Variants in PVT1 observed in about 807,000 individuals in gnomAD.
PVT1 encodes Pvt1 oncogene, also known as CXCR4/PVT1 fusion.
intron 3 of PVT1, among the ~76,000 whole-genome samples, chr8:127,962,627 C>T (rs182496870): frequency 3.4e-4 from 51 of 151,776 alleles, no homozygotes; most frequent in Admixed American, 1.2e-3. Flanking sequence ...TTTTTGTTGA[C>T]GATTTGTTGA....
At chr8:127,964,123 A>G (rs1816677804) in intron 3 of PVT1, among the ~76,000 whole-genome samples, 1 of 152,184 alleles carries the variant, frequency 6.6e-6, no homozygotes, top group African/African-American at 2.4e-5. Flanking sequence ...GGACAAGCAG[A>G]TGGGTTCAGG....
intron 4 of PVT1, among the ~76,000 whole-genome samples, chr8:128,009,948 T>A (rs184923551): frequency 6.8e-4 from 103 of 152,296 alleles, no homozygotes; most frequent in African/African-American, 2.4e-3. Context: ...TTCAGGAAAG[T>A]CGACTAAGAT....
rs576055384 is a variant in PVT1, at chr8:127,954,749, C to T, written n.783-34413C>T. On this transcript the variant is annotated intron_variant and non_coding_transcript_variant, in intron 3 of 10. Coordinates refer to ENST00000651587, the Ensembl canonical transcript of PVT1. ...GAAGAAGGATTCGGGCCTCTGAGTTCGTGGATTCCTCCATGAAGCAATGAC... is the reference window on the plus strand; with the variant it reads ...GAAGAAGGATTCGGGCCTCTGAGTTTGTGGATTCCTCCATGAAGCAATGAC... 5.3e-5 allele frequency among the ~76,000 whole-genome samples: 8 copies of T among 152,222 alleles called. No individual in the cohort carries two copies. The South Asian group carries it at 6.2e-4, about 12-fold the overall frequency.
chr8:127,821,287 T>C (rs1057267422), intron 2 of PVT1, among the ~76,000 whole-genome samples: 1 of 152,166 alleles, frequency 6.6e-6, no homozygotes, highest in Admixed American at 6.5e-5. Flanking sequence ...CGCATGTGGC[T>C]ATTGAGCAGT....
intron 4 of PVT1, among the ~76,000 whole-genome samples, chr8:127,994,987 G>T (rs1817088801): frequency 6.6e-6 from 1 of 152,170 alleles, no homozygotes; most frequent in Non-Finnish European, 1.5e-5. Context: ...ACTCAGAAAT[G>T]CTGTTTAACC....
At chr8:128,052,277 C>T (rs766162100) in intron 4 of PVT1, among the ~76,000 whole-genome samples, 1 of 151,740 alleles carries the variant, frequency 6.6e-6, no homozygotes, top group Non-Finnish European at 1.5e-5. Context: ...CTGTAGCATG[C>T]GTCTGTGAAG....
chr8:127,817,893 T>C (rs1351981475), intron 2 of PVT1, among the ~76,000 whole-genome samples: 1 of 151,970 alleles, frequency 6.6e-6, no homozygotes, highest in Middle Eastern at 3.2e-3. Flanking sequence ...AGATCCGGCA[T>C]GTGTAGAGAT....
intron 6 of PVT1, among the ~76,000 whole-genome samples, chr8:128,100,329 C>T (rs952618181): frequency 6.6e-6 from 1 of 152,160 alleles, no homozygotes; most frequent in Non-Finnish European, 1.5e-5. Context: ...CAGGTCTCTG[C>T]TCTCCTGGAG....
intron 3 of PVT1, among the ~76,000 whole-genome samples, chr8:127,897,454 TGAA>T (rs1729474573): frequency 9.2e-6 from 1 of 109,110 alleles, no homozygotes; most frequent in African/African-American, 3.6e-5. Context: ...GTTCCAAAAA[TGAA>T]GAAAGAAAGT....
intron 2 of PVT1, among the ~76,000 whole-genome samples, chr8:127,835,139 A>T (rs1814895346): frequency 6.6e-6 from 1 of 152,196 alleles, no homozygotes; most frequent in South Asian, 2.1e-4. Flanking sequence ...ATAAAGACAC[A>T]TGCACATATA....
chr8:128,013,776 C>CTG lies in PVT1; in HGVS notation n.912+24486_912+24487insGT, dbSNP rs572485361. Among the ~76,000 whole-genome samples, 7 of 152,338 alleles carry CTG rather than the reference C, an allele frequency of 4.6e-5. No homozygotes were observed. In the South Asian group the frequency reaches 1.4e-3, roughly 32 times the overall value. On this transcript the variant is annotated intron_variant and non_coding_transcript_variant, in intron 4 of 10. Transcript: ENST00000651587. The stretch of plus-strand genomic sequence containing the variant: ...GGACTTACTGTGATTACTTATCTCT[C>CTG]TATCCCTCAACAGTAAGTCCTAATC...
chr8:127,937,580 C>CACACACAGAGAGAGAG (rs59006608), intron 3 of PVT1, among the ~76,000 whole-genome samples: 1 of 107,794 alleles, frequency 9.3e-6, no homozygotes, highest in African/African-American at 3.7e-5. Context: ...CACACACACA[C>CACACACAGAGAGAGAG]AGAGAGAGAG....
chr8:127,939,979 AT>A (rs2129905412), intron 3 of PVT1: 1 of 152,272 alleles, frequency 6.6e-6, no homozygotes, highest in East Asian at 1.9e-4. Context: ...TGAACCCTGC[AT>A]TTTGTGGAGG....
At chr8:127,963,783 G>A (rs1816673219) in intron 3 of PVT1, among the ~76,000 whole-genome samples, 1 of 152,314 alleles carries the variant, frequency 6.6e-6, no homozygotes. Flanking sequence ...TTGGAATGGA[G>A]GAATGGAGTC....
At chr8:127,806,329 C>T (rs754228038) in intron 2 of PVT1, among the ~76,000 whole-genome samples, 10 of 152,128 alleles carry the variant, frequency 6.6e-5, no homozygotes, top group East Asian at 5.8e-4. Context: ...GGTGTGGTGG[C>T]GTGTGCCTGT....
At chr8:128,015,514 G>C (rs888582568) in intron 4 of PVT1, among the ~76,000 whole-genome samples, 5 of 152,060 alleles carry the variant, frequency 3.3e-5, no homozygotes, top group African/African-American at 1.2e-4. Flanking sequence ...AGTGGCTCAC[G>C]TCTGTAACCC....
At chr8:128,024,133 C>G (rs1817467675) in intron 4 of PVT1, among the ~76,000 whole-genome samples, 1 of 152,216 alleles carries the variant, frequency 6.6e-6, no homozygotes, top group Non-Finnish European at 1.5e-5. Flanking sequence ...GAGCCCACAG[C>G]AGGCATCCAG....
chr8:128,041,608 T>TG (rs1813545582), intron 4 of PVT1, among the ~76,000 whole-genome samples: 1 of 97,070 alleles, frequency 1.0e-5, no homozygotes, highest in Admixed American at 1.2e-4. Context: ...GTACATGTGT[T>TG]TGGTGTGTGT....
intron 4 of PVT1, among the ~76,000 whole-genome samples, chr8:128,020,549 G>A (rs369153228): frequency 6.6e-6 from 1 of 152,118 alleles, no homozygotes; most frequent in African/African-American, 2.4e-5. Flanking sequence ...GGGGACCGCC[G>A]GCCTACAGCT....
Sources: gnomAD v4.1 joint callset for allele counts (sites outside exome capture counted in the v4.1 genomes callset) on GRCh38, gnomAD v4.1.1 for gene constraint, MANE v1.5 for transcripts, NCBI Gene and HGNC (gene_info 2026-07-23, HGNC 2026-07-21) for gene names.